Variants in IFT172 observed in about 807,000 individuals in gnomAD.
IFT172 encodes intraflagellar transport 172.
IFT172 carries 164 observed loss-of-function variants against 248.9 expected under a neutral mutation model. The ratio of observed to expected loss-of-function variants is 0.66; its 90% CI spans 0.58 to 0.75. The LOEUF (loss-of-function observed/expected upper bound fraction) is 0.75. Ranked by LOEUF, IFT172 falls within the 30% of genes least tolerant of loss-of-function variation. The pLI is 0.00. For synonymous variants in IFT172, 729 were observed against 791.6 expected (o/e 0.92, Z 1.33); for missense variants, 1,950 against 2,192.4 (o/e 0.89, Z 2.21).
At position 27,446,334 on chromosome 2, in the gene IFT172, A is replaced by G. The variant is rs756728624; in HGVS notation, c.4681T>C (p.Ser1561Pro). ...KQLETVAARL[S>P]VSLLRHTQLL... is the part of the protein sequence containing the mutation. The stretch of plus-strand genomic sequence containing the variant: ...TGGGTGTGACGCAAGAGTGAAACAG[A>G]AAGCCTGGCAGCCACGGTTTCCTGG... The change falls in exon 43 of 48, where the codon TCT (serine) becomes CCT (proline). Residue 1561 changes from serine (S) to proline (P), a missense_variant. Physicochemically the swap from Ser to Pro is moderately conservative, Grantham distance 74 (BLOSUM62 -1). Transcript: ENST00000260570. 1.2e-6 allele frequency: 2 copies of G among 1,614,264 alleles called. No individual in the cohort carries two copies. The highest frequency in any genetic ancestry group is 1.1e-5 in the South Asian group (1 of 91,092).
chr2:27,470,534 T>C (rs1667482759), intron 16 of IFT172, among the ~76,000 whole-genome samples: 1 of 152,058 alleles, frequency 6.6e-6, no homozygotes. Flanking sequence ...GTATGTATGA[T>C]GTTGTGGTAG....
At chr2:27,474,541 TTTTC>T (rs1262829777) in intron 14 of IFT172, among the ~76,000 whole-genome samples, 3 of 152,160 alleles carry the variant, frequency 2.0e-5, no homozygotes. Flanking sequence ...TCATAAACTA[TTTTC>T]TTTTTCTTTT....
Position 27,484,251 on chromosome 2 carries a change from G to T in IFT172, c.312C>A (p.Val104=). Reference sequence around the variant, plus strand: ...CCGTCTGGATGAACTTGTTGCAGATGACTTTCTTGTCACCCCTGCCAAACA... The same window carrying T: ...CCGTCTGGATGAACTTGTTGCAGATTACTTTCTTGTCACCCCTGCCAAACA... The part of the protein sequence containing the change: ...KIGEDWGDKK[V]ICNKFIQTSA... Residue 104 remains valine, a synonymous_variant, in exon 4 of 48, where the codon GTC becomes GTA. Transcript: ENST00000260570. 1.2e-6 allele frequency: 2 copies of T among 1,613,964 alleles called. No individual in the cohort carries two copies. The highest frequency in any genetic ancestry group is 2.2e-5 in the South Asian group (2 of 91,050).
In IFT172 at chr2:27,445,567, G is replaced by A. The variant is rs1024772797; in HGVS notation, c.4915-118C>T. On this transcript the variant is annotated intron_variant, in intron 45 of 47. Transcript: ENST00000260570. This position sits in a 1 kb window ranked among gnomAD's most constrained non-coding sequence, Gnocchi z 4.4. ...ATCCTGTATACCAGCTTTTAGCCACGAATCCTCCTTGGATTGGGGGATGCA... is the reference window on the plus strand; with the variant it reads ...ATCCTGTATACCAGCTTTTAGCCACAAATCCTCCTTGGATTGGGGGATGCA... The A allele has an allele frequency of 8.6e-5, 115 of 1,332,658 alleles. 1 individual carries two copies. Among genetic ancestry groups the A allele is most frequent in the Middle Eastern group, 2.7e-4 (1 of 3,726 alleles). The allele number at this position is 1,332,658 out of a possible 1,614,324, so 82.6% of individuals were successfully genotyped here.
Position 27,445,484 on chromosome 2 carries a change from C to T in IFT172, c.4915-35G>A, listed in dbSNP as rs1487788372. 1.9e-6 allele frequency: 3 copies of T among 1,588,742 alleles called. No homozygotes were observed. Among genetic ancestry groups the T allele is most frequent in the South Asian group, 1.1e-5 (1 of 87,912 alleles). On this transcript the variant is annotated intron_variant, in intron 45 of 47. Transcript: ENST00000260570. This position sits in a 1 kb window ranked among gnomAD's most constrained non-coding sequence, Gnocchi z 4.4. ...ACAAGAAGGGAGTGGTAGCTTCACA[C>T]AGGGCAGGGCAGGACAAGTTGGGGT...
chr2:27,448,945 A>G lies in IFT172; in HGVS notation c.4398T>C (p.Tyr1466=). Residue 1466 remains tyrosine, a synonymous_variant, in exon 40 of 48, where the codon TAT becomes TAC. Transcript: ENST00000260570. ...GGTTAGCAGGGGCTCCGTGCTGTAC[A>G]TACAGGGCCAATGCCTGGGCAGAGC... The part of the protein sequence containing the change: ...EGSSAQALAL[Y]VQHGAPANPQ... 2 of 1,603,292 alleles carry G rather than the reference A, an allele frequency of 1.2e-6. No individual in the cohort carries two copies. The highest frequency in any genetic ancestry group is 1.7e-6 in the Non-Finnish European group (2 of 1,170,060).
rs371616045 is a variant in IFT172, at chr2:27,445,720, C to G, written c.4914+25G>C. Reference sequence around the variant, plus strand: ...AGGCACTCACACTGGTGAGGCCTTCCGGTTTTCCAACCCTGTGCCCTTACC... The same window carrying G: ...AGGCACTCACACTGGTGAGGCCTTCGGGTTTTCCAACCCTGTGCCCTTACC... On this transcript the variant is annotated intron_variant, in intron 45 of 47. Coordinates refer to ENST00000260570, the MANE Select transcript of IFT172 (RefSeq NM_015662.3). The surrounding 1 kb of genome is among the most constrained non-coding windows in gnomAD (Gnocchi z 4.4). 9 of 1,613,376 alleles carry G rather than the reference C, an allele frequency of 5.6e-6. No homozygotes were observed. Among genetic ancestry groups the G allele is most frequent in the Non-Finnish European group, 1.7e-6 (2 of 1,179,428 alleles).
rs772555995 is a variant in IFT172, at chr2:27,485,423, G to T, written c.120C>A (p.Val40=). The change falls in exon 2 of 48, where the codon GTC becomes GTA. Residue 40 remains valine (V), a synonymous_variant. Coordinates refer to ENST00000260570, the MANE Select transcript of IFT172 (RefSeq NM_015662.3). ...KFAVCTVDRV[V]LLYDEHGERR... ...GTTCTCCATGTTCATCATACAGCAA[G>T]ACCACTCGGTCCACTGTGCAGACAG... 11 of 1,614,170 alleles carry T rather than the reference G, an allele frequency of 6.8e-6. No individual in the cohort carries two copies. The highest frequency in any genetic ancestry group is 2.5e-6 in the Non-Finnish European group (3 of 1,180,024).
intron 7 of IFT172, among the ~76,000 whole-genome samples, chr2:27,482,756 T>C (rs1372765822): frequency 6.6e-6 from 1 of 152,164 alleles, no homozygotes; most frequent in Non-Finnish European, 1.5e-5. Flanking sequence ...ATTTTCACTT[T>C]TCATTACTCT....
Position 27,462,757 on chromosome 2 carries a change from G to A in IFT172, c.2059C>T (p.Arg687Cys), listed in dbSNP as rs145946722. Residue 687 changes from arginine (R) to cysteine (C), a missense_variant, in exon 20 of 48, where the codon CGT (arginine) becomes TGT (cysteine). By Grantham distance (180) the Arg-to-Cys change is radical (BLOSUM62 -3). Around this residue, in one of 3 missense-constraint regions of IFT172, gnomAD observed 1,166 missense variants for 1,254.1 expected, o/e 0.93. Coordinates refer to ENST00000260570, the MANE Select transcript of IFT172 (RefSeq NM_015662.3). ...TAGTTCTTTTCCAGCATGGCTAGACGTGCTCGGACCTGATAAAAGTCTGTT... is the reference window on the plus strand; with the variant it reads ...TAGTTCTTTTCCAGCATGGCTAGACATGCTCGGACCTGATAAAAGTCTGTT... ...EGTDFYQVRARLAMLEKNYKL... is the reference protein window; with the variant it reads ...EGTDFYQVRACLAMLEKNYKL... 4.4e-5 allele frequency: 71 copies of A among 1,613,836 alleles called. No individual in the cohort carries two copies. Among genetic ancestry groups the A allele is most frequent in the South Asian group, 2.0e-4 (18 of 91,084 alleles).
rs551376007 is a variant in IFT172, at chr2:27,449,315, G to A, written c.4290C>T (p.Cys1430=). Residue 1430 remains cysteine, a synonymous_variant, in exon 39 of 48, where the codon TGC becomes TGT. Coordinates refer to ENST00000260570, the MANE Select transcript of IFT172 (RefSeq NM_015662.3). ...GTACCTGCTTGGTAGCTGTTTCAATGCACTTGTCCCACTGGCCCTGCTCCA... is the reference window on the plus strand; with the variant it reads ...GTACCTGCTTGGTAGCTGTTTCAATACACTTGTCCCACTGGCCCTGCTCCA... ...LYVEQGQWDK[C]IETATKQNYK... 1.3e-4 allele frequency: 204 copies of A among 1,614,128 alleles called. 1 individual carries two copies. The South Asian group carries it at 2.0e-3, about 16-fold the overall frequency.
chr2:27,477,431 C>G (rs1668038639), intron 12 of IFT172, 111 bp from the exon 13 acceptor site: 2 of 1,225,564 alleles, frequency 1.6e-6, no homozygotes, highest in Admixed American at 1.7e-5. Context: ...GTTCTCTTAC[C>G]CTGCCAATTT....
Position 27,483,383 on chromosome 2 carries a change from A to G in IFT172, c.483-7T>C, listed in dbSNP as rs763195358. 2 of 1,562,928 alleles carry G rather than the reference A, an allele frequency of 1.3e-6. No individual in the cohort carries two copies. The highest frequency in any genetic ancestry group is 3.3e-5 in the Admixed American group (2 of 59,800). Reference sequence around the variant, plus strand: ...AATTCCTTTCCCAGAGCAACTAAAAAAGGAGAAAGGAGAGAAATACAGGAA... The same window carrying G: ...AATTCCTTTCCCAGAGCAACTAAAAGAGGAGAAAGGAGAGAAATACAGGAA... On this transcript the variant is annotated splice_polypyrimidine_tract_variant and splice_region_variant and intron_variant, in intron 6 of 47. Transcript: ENST00000260570.
rs1446914237 is a variant in IFT172 at position 27,453,508 on chromosome 2, A to G, written c.3827T>C (p.Val1276Ala). The G allele has an allele frequency of 6.2e-7, 1 of 1,613,948 alleles. No individual in the cohort carries two copies. The highest frequency in any genetic ancestry group is 1.7e-5 in the Admixed American group (1 of 59,988). The change falls in exon 35 of 48, where the codon GTG (valine) becomes GCG (alanine). Residue 1276 changes from valine (V) to alanine (A), a missense_variant. By Grantham distance (64) the Val-to-Ala change is moderately conservative (BLOSUM62 0). This residue lies in a region of IFT172 where 620 missense variants were observed against 699.0 expected (regional missense o/e 0.89). Transcript: ENST00000260570. ...TCGAGCTTGTTCCACAAATCCCTCCACACCCCTGTGGAGATGAGAGCGCTG... is the reference window on the plus strand; with the variant it reads ...TCGAGCTTGTTCCACAAATCCCTCCGCACCCCTGTGGAGATGAGAGCGCTG... Reference protein sequence around the residue: ...REATKKGARGVEGFVEQARHW... With the variant: ...REATKKGARGAEGFVEQARHW...
Position 27,445,779 on chromosome 2 carries a change from A to G in IFT172, c.4880T>C (p.Phe1627Ser), listed in dbSNP as rs1438803947. The part of the protein sequence containing the change: ...HSDFQDTDIP[F>S]EVPLPAKQHV... ...CTGCTTAGCTGGGAGTGGCACCTCA[A>G]AGGGAATGTCTGTATCCTGAAAATC... The change falls in exon 45 of 48, where the codon TTT becomes TCT. Residue 1627 changes from phenylalanine to serine, a missense_variant. Coordinates refer to ENST00000260570, the MANE Select transcript of IFT172 (RefSeq NM_015662.3). This position sits in a 1 kb window ranked among gnomAD's most constrained non-coding sequence, Gnocchi z 4.4. 1.9e-6 allele frequency: 3 copies of G among 1,614,000 alleles called. No homozygotes were observed. The highest frequency in any genetic ancestry group is 2.5e-6 in the Non-Finnish European group (3 of 1,180,030).
chr2:27,488,805 T>C (rs1668948495), intron 1 of IFT172, among the ~76,000 whole-genome samples: 1 of 152,122 alleles, frequency 6.6e-6, no homozygotes, highest in African/African-American at 2.4e-5. Flanking sequence ...AGGTCATTTG[T>C]TTAAAGTACT....
At chr2:27,463,652 T>C (rs898739638) in intron 18 of IFT172, among the ~76,000 whole-genome samples, 2 of 152,022 alleles carry the variant, frequency 1.3e-5, no homozygotes, top group East Asian at 1.9e-4. Flanking sequence ...ACCCCTGTTA[T>C]AGATAGTGAC....
chr2:27,482,444 C>T (rs1668453814), intron 7 of IFT172, among the ~76,000 whole-genome samples: 1 of 152,084 alleles, frequency 6.6e-6, no homozygotes, highest in Non-Finnish European at 1.5e-5. Flanking sequence ...AGGCATGTGC[C>T]ACCACGCCCA....
intron 10 of IFT172, among the ~76,000 whole-genome samples, chr2:27,478,626 T>A (rs1468533055): frequency 2.0e-5 from 3 of 152,212 alleles, no homozygotes; most frequent in South Asian, 2.1e-4. Flanking sequence ...TTTTTTGATA[T>A]GTCTGTGTCC....
Sources: gnomAD v4.1 joint callset for allele counts (sites outside exome capture counted in the v4.1 genomes callset) on GRCh38, gnomAD v4.1.1 for gene constraint, gnomAD v4.1.1 regional missense constraint, Gnocchi (gnomAD v3.1) non-coding constraint, MANE v1.5 for transcripts, NCBI Gene and HGNC (gene_info 2026-07-23, HGNC 2026-07-21) for gene names.